RELB: variants seen among roughly 807,000 people sequenced by gnomAD.
The protein encoded by RELB is RELB proto-oncogene, NF-kB subunit, also known as transcription factor RelB.
A neutral mutation model predicts 55.4 loss-of-function variants in RELB; 14 were observed. The observed-to-expected ratio is 0.25, with a 90% CI of 0.17 to 0.40. The LOEUF is 0.40. Ranked by LOEUF, RELB falls within the 10% of genes least tolerant of loss-of-function variation. RELB has a pLI of 1.00. For synonymous variants in RELB, 409 were observed against 371.3 expected (o/e 1.10, Z -1.17); for missense variants, 669 against 830.7 (o/e 0.81, Z 2.39).
chr19:45,009,883 G>A (rs937329869), intron 3 of RELB, 61 bp downstream of exon 3: 4 of 1,426,728 alleles, frequency 2.8e-6, no homozygotes, highest in African/African-American at 2.8e-5. Flanking sequence ...ACAGAAGGGG[G>A]TCTTGGCCTT....
Position 45,001,586 on chromosome 19 carries a change from C to T in RELB, c.7C>T (p.Arg3Trp). The T allele has an allele frequency of 1.4e-6, 2 of 1,461,876 alleles. No homozygotes were observed. Among genetic ancestry groups the T allele is most frequent in the Non-Finnish European group, 1.8e-6 (2 of 1,112,216 alleles). 90.6% of individuals were successfully genotyped at this position (1,461,876 alleles called of 1,614,324 possible). Reference sequence around the variant, plus strand: ...GCCCGGCCGGCCCGCGTGCATGCTTCGGTCTGGGCCAGCCTCTGGGCCGTC... The same window carrying T: ...GCCCGGCCGGCCCGCGTGCATGCTTTGGTCTGGGCCAGCCTCTGGGCCGTC... The part of the protein sequence containing the change: ML[R>W]SGPASGPSVP... The change falls in exon 1 of 12, where the codon CGG (arginine) becomes TGG (tryptophan). Residue 3 changes from arginine to tryptophan, a missense_variant. Arg to Trp is a moderately radical substitution (Grantham distance 101). Coordinates refer to ENST00000221452, the MANE Select transcript of RELB (RefSeq NM_006509.4).
chr19:45,032,354 G>A (rs1331197493), intron 8 of RELB, 180 bp from the exon 9 acceptor site: 2 of 559,176 alleles, frequency 3.6e-6, no homozygotes, highest in Non-Finnish European at 6.5e-6. Flanking sequence ...GGGAGGCAGA[G>A]GTTGCAGTGA....
Position 45,020,312 on chromosome 19 carries a change from G to A in RELB, c.505-1741G>A, listed in dbSNP as rs1056489741. ...AATCTGGGCTCATTGCAACTTCCAC[G>A]TCTCAGGCTTAAGTGATCCTCCCAC... On this transcript the variant is annotated intron_variant, in intron 4 of 11. Transcript: ENST00000221452. Among the ~76,000 whole-genome samples the A allele has an allele frequency of 6.1e-5, 9 of 147,922 alleles. No individual in the cohort carries two copies. The East Asian group carries it at 1.6e-3, about 27-fold the overall frequency.
At chr19:45,018,790 C>T (rs528930841) in intron 4 of RELB, among the ~76,000 whole-genome samples, 335 of 151,480 alleles carry the variant, frequency 2.2e-3, no homozygotes, top group African/African-American at 7.8e-3. Flanking sequence ...GATTCTCCTG[C>T]CTCAGCCTCC....
intron 8 of RELB, among the ~76,000 whole-genome samples, chr19:45,031,577 CTTTTG>C (rs1971621479): frequency 6.6e-6 from 1 of 152,034 alleles, no homozygotes; most frequent in Non-Finnish European, 1.5e-5. Context: ...GATATTAATT[CTTTTG>C]TTTGTTTGTT....
intron 9 of RELB, among the ~76,000 whole-genome samples, chr19:45,033,410 C>T (rs1008936095): frequency 5.9e-5 from 9 of 152,056 alleles, no homozygotes; most frequent in Non-Finnish European, 8.8e-5. Flanking sequence ...GTAGGCCGGG[C>T]GCAGTGGCTC....
In RELB at chr19:45,012,293, G is replaced by T; in HGVS notation, c.504+17G>T. On this transcript the variant is annotated intron_variant, in intron 4 of 11. Coordinates refer to ENST00000221452, the MANE Select transcript of RELB (RefSeq NM_006509.4). ...GCCATCGAGGTGGGCCCGGCGAGCG[G>T]CCCCGGGCGGGTGGGACTGGGGCTT... 7.3e-7 allele frequency: 1 copy of T among 1,375,854 alleles called. No individual in the cohort carries two copies. Among genetic ancestry groups the T allele is most frequent in the Admixed American group, 3.4e-5 (1 of 29,186 alleles). 85.2% of individuals were successfully genotyped at this position (1,375,854 alleles called of 1,614,324 possible). A position where few individuals can be genotyped will look rare whatever the true frequency, so the allele number is the denominator to read the frequency against.
Position 45,028,955 on chromosome 19 carries a change from C to G in RELB, c.954C>G (p.Gly318=). 2 of 1,595,564 alleles carry G rather than the reference C, an allele frequency of 1.3e-6. No individual in the cohort carries two copies. Among genetic ancestry groups the G allele is most frequent in the Non-Finnish European group, 1.7e-6 (2 of 1,171,772 alleles). The change falls in exon 8 of 12, where the codon GGC becomes GGG. Residue 318 remains glycine, a synonymous_variant. Coordinates refer to ENST00000221452, the MANE Select transcript of RELB (RefSeq NM_006509.4). ...INKESGPCTG[G]EELYLLCDKV... is the part of the protein sequence containing the mutation. ...AGGAAAGCGGGCCGTGCACCGGTGG[C>G]GAGGAGCTCTACTTGCTCTGCGACA...
chr19:45,032,162 G>A (rs898511165), intron 8 of RELB, among the ~76,000 whole-genome samples: 3 of 151,918 alleles, frequency 2.0e-5, no homozygotes, highest in African/African-American at 7.3e-5. Context: ...CTTGAACCAG[G>A]GAGTTGGAGG....
intron 2 of RELB, among the ~76,000 whole-genome samples, chr19:45,004,866 T>TCAAA (rs996549806): frequency 6.9e-6 from 1 of 145,926 alleles, no homozygotes; most frequent in African/African-American, 2.6e-5. Flanking sequence ...AAACTCCGTC[T>TCAAA]CAAACAAACA....
At chr19:45,021,829 C>A in intron 4 of RELB, 1 of 443,904 alleles carries the variant, frequency 2.3e-6, no homozygotes, top group Non-Finnish European at 4.0e-6. Context: ...CCCACCTCGG[C>A]CTTCCAACGT....
intron 2 of RELB, 49 bp from the exon 3 acceptor site, chr19:45,009,765 C>A: frequency 1.9e-6 from 3 of 1,596,296 alleles, no homozygotes; most frequent in Non-Finnish European, 2.5e-6. Flanking sequence ...AAAGTTGTGA[C>A]CACTTTCTGG....
Position 45,037,637 on chromosome 19 carries a change from C to G in RELB, c.1587C>G (p.Pro529=), listed in dbSNP as rs770384014. The change falls in exon 12 of 12, where the codon CCC becomes CCG. Residue 529 remains proline, a synonymous_variant. Coordinates refer to ENST00000221452, the MANE Select transcript of RELB (RefSeq NM_006509.4). ...GGAGAVVGET[P]GPEPLTLDSY... ...CCGGGGCCGTGGTTGGGGAGACCCC[C>G]GGCCCTGAACCACTGACACTGGACT... 6.3e-5 allele frequency: 100 copies of G among 1,599,620 alleles called. 3 individuals are homozygous for G. Among genetic ancestry groups the G allele is most frequent in the East Asian group, 2.3e-5 (1 of 43,610 alleles).
At chr19:45,031,050 C>T (rs926839370) in intron 8 of RELB, among the ~76,000 whole-genome samples, 1 of 152,118 alleles carries the variant, frequency 6.6e-6, no homozygotes, top group African/African-American at 2.4e-5. Flanking sequence ...CTATATGTAA[C>T]TGACACATAT....
chr19:45,005,013 C>CA (rs941895066), intron 2 of RELB, among the ~76,000 whole-genome samples: 9 of 150,112 alleles, frequency 6.0e-5, no homozygotes, highest in South Asian at 4.2e-4. Context: ...ACTAAAAATA[C>CA]AAAAAAAATT....
chr19:45,007,219 C>T (rs1478197995), intron 2 of RELB, among the ~76,000 whole-genome samples: 1 of 152,144 alleles, frequency 6.6e-6, no homozygotes, highest in South Asian at 2.1e-4. Flanking sequence ...TCTGCTCTCA[C>T]GTGGCCCATC....
intron 5 of RELB, among the ~76,000 whole-genome samples, chr19:45,025,024 A>G (rs1165031836): frequency 6.6e-6 from 1 of 151,410 alleles, no homozygotes; most frequent in African/African-American, 2.4e-5. Flanking sequence ...TATGTCTGCT[A>G]ATTTTTGTAT....
At position 45,017,239 on chromosome 19, in the gene RELB, C is replaced by T. The variant is rs373377547; in HGVS notation, c.505-4814C>T. ...AGTGACTCAAAGCTGCCAAGTGGGACTGGCCCTGCCTAACGGGGCTGGTTT... is the reference window on the plus strand; with the variant it reads ...AGTGACTCAAAGCTGCCAAGTGGGATTGGCCCTGCCTAACGGGGCTGGTTT... On this transcript the variant is annotated intron_variant, in intron 4 of 11. Coordinates refer to ENST00000221452, the MANE Select transcript of RELB (RefSeq NM_006509.4). Among the ~76,000 whole-genome samples the T allele has an allele frequency of 1.1e-4, 16 of 152,260 alleles. No individual in the cohort carries two copies. In the East Asian group the frequency reaches 2.3e-3, roughly 22 times the overall value.
chr19:45,003,818 T>C (rs1010202547), intron 2 of RELB, among the ~76,000 whole-genome samples: 3 of 151,492 alleles, frequency 2.0e-5, no homozygotes, highest in Admixed American at 1.3e-4. Flanking sequence ...CTGTTAGTGG[T>C]ATAATAATAA....
Sources: allele counts gnomAD v4.1 joint callset (sites outside exome capture counted in the v4.1 genomes callset), GRCh38; gene constraint gnomAD v4.1.1; transcripts MANE v1.5; gene names NCBI Gene and HGNC (gene_info 2026-07-23, HGNC 2026-07-21).